Variants in PRKG1 observed in about 807,000 individuals in gnomAD.
PRKG1 encodes protein kinase cGMP-dependent 1, also known as cGMP-dependent protein kinase 1.
In PRKG1, 35 loss-of-function variants were observed where a neutral mutation model predicts 88.1. The ratio of observed to expected loss-of-function variants is 0.40; its 90% confidence interval spans 0.30 to 0.53. The LOEUF (loss-of-function observed/expected upper bound fraction) is 0.53. PRKG1 is among the 20% of genes least tolerant of loss of function. The probability of loss-of-function intolerance (pLI) is 0.59; values close to 1 mark genes in which losing one functional copy is unlikely to be tolerated. For missense variants in PRKG1, 540 were observed against 839.8 expected (o/e 0.64, Z 4.41); for synonymous variants, 303 against 292.5 (o/e 1.04, Z -0.37).
chr10:52,255,427 T>C (rs1841284477), intron 10 of PRKG1, among the ~76,000 whole-genome samples: 1 of 152,176 alleles, frequency 6.6e-6, no homozygotes, highest in South Asian at 2.1e-4. Flanking sequence ...GTGCTTTAAA[T>C]ATTAGATATT....
chr10:51,151,009 G>C (rs1846058257), intron 1 of PRKG1, among the ~76,000 whole-genome samples: 1 of 151,540 alleles, frequency 6.6e-6, no homozygotes, highest in Admixed American at 6.6e-5. Flanking sequence ...TCTTTATAGG[G>C]TACTATTAAT....
chr10:51,207,695 T>C (rs529129640), intron 2 of PRKG1, among the ~76,000 whole-genome samples: 4 of 152,258 alleles, frequency 2.6e-5, no homozygotes, highest in African/African-American at 9.6e-5. Context: ...TAGATTTACT[T>C]TCCTGGCAGA....
chr10:51,796,696 A>G lies in PRKG1; in HGVS notation c.593-7889A>G, dbSNP rs111424420. Among the ~76,000 whole-genome samples the G allele has an allele frequency of 2.4e-3, 372 of 152,236 alleles. 3 individuals carry two copies. The highest frequency in any genetic ancestry group is 8.7e-3 in the African/African-American group (360 of 41,570). On this transcript the variant is annotated intron_variant, in intron 3 of 17. Transcript: ENST00000373980. ...TAAAACATAATTTCTGGGTGTATCT[A>G]TCAGAGTGTTTCAGACAAGATCAGC... is the stretch of plus-strand genomic sequence containing the variant.
intron 2 of PRKG1, among the ~76,000 whole-genome samples, chr10:51,167,729 G>A (rs1382395026): frequency 6.6e-6 from 1 of 152,118 alleles, no homozygotes; most frequent in Non-Finnish European, 1.5e-5. Context: ...GATAAATTAG[G>A]AATGACTTGT....
chr10:51,436,916 G>T (rs969275500), intron 2 of PRKG1, among the ~76,000 whole-genome samples: 4 of 151,998 alleles, frequency 2.6e-5, no homozygotes, highest in African/African-American at 9.7e-5. Flanking sequence ...TAATTGACTT[G>T]CCAGAGGTTG....
Position 51,653,941 on chromosome 10 carries a change from A to G in PRKG1, c.593-150644A>G, listed in dbSNP as rs755497355. Among the ~76,000 whole-genome samples the G allele has an allele frequency of 4.3e-4, 65 of 152,268 alleles. 1 individual carries two copies. Among genetic ancestry groups the G allele is most frequent in the Admixed American group, 2.1e-3 (32 of 15,284 alleles). On this transcript the variant is annotated intron_variant, in intron 3 of 17. Coordinates refer to ENST00000373980, the MANE Select transcript of PRKG1 (RefSeq NM_006258.4). ...AGTTCCCTATATATTTTGAATATGA[A>G]TATTTTATCAGATGTATAGTTTGCA...
chr10:51,467,141 A>C (rs972756839), intron 2 of PRKG1, among the ~76,000 whole-genome samples: 3 of 152,066 alleles, frequency 2.0e-5, no homozygotes, highest in African/African-American at 7.2e-5. Flanking sequence ...ATAAACTGTC[A>C]TAACACAGCT....
intron 2 of PRKG1, among the ~76,000 whole-genome samples, chr10:51,365,137 T>C (rs1444717207): frequency 6.6e-6 from 1 of 151,926 alleles, no homozygotes. Flanking sequence ...GTCATAAAAT[T>C]GATCTAATAT....
intron 5 of PRKG1, among the ~76,000 whole-genome samples, chr10:52,045,308 T>G (rs1334885074): frequency 1.3e-5 from 2 of 151,900 alleles, no homozygotes; most frequent in Non-Finnish European, 2.9e-5. Flanking sequence ...CTTTAAATAC[T>G]AATGGGTACC....
intron 12 of PRKG1, among the ~76,000 whole-genome samples, chr10:52,278,526 A>G (rs961114811): frequency 5.9e-5 from 9 of 152,176 alleles, no homozygotes. Flanking sequence ...TTATTGCAGC[A>G]CTATTCACAA....
intron 9 of PRKG1, among the ~76,000 whole-genome samples, chr10:52,247,636 T>A (rs1420662869): frequency 6.6e-6 from 1 of 152,094 alleles, no homozygotes; most frequent in East Asian, 1.9e-4. Flanking sequence ...CAAGAAACAG[T>A]TAAATATCCG....
At chr10:51,520,675 G>A (rs1470511930) in intron 3 of PRKG1, among the ~76,000 whole-genome samples, 1 of 152,018 alleles carries the variant, frequency 6.6e-6, no homozygotes, top group Non-Finnish European at 1.5e-5. Flanking sequence ...AAGAAAGTTG[G>A]AAATAAATTA....
At chr10:52,178,137 C>G (rs1027262955) in intron 9 of PRKG1, among the ~76,000 whole-genome samples, 2 of 151,754 alleles carry the variant, frequency 1.3e-5, no homozygotes, top group Non-Finnish European at 2.9e-5. Flanking sequence ...CATTTCTTGC[C>G]ATCAACTTGC....
intron 5 of PRKG1, among the ~76,000 whole-genome samples, chr10:51,922,357 G>A (rs1465420532): frequency 6.6e-6 from 1 of 151,216 alleles, no homozygotes; most frequent in African/African-American, 2.4e-5. Flanking sequence ...TTTTGGTTTT[G>A]TAGATTTTCT....
At chr10:52,272,720 A>G (rs1841764213) in intron 12 of PRKG1, among the ~76,000 whole-genome samples, 1 of 152,116 alleles carries the variant, frequency 6.6e-6, no homozygotes, top group Non-Finnish European at 1.5e-5. Context: ...AATGGTACAT[A>G]GCAAAATATA....
chr10:52,051,120 T>C (rs981345236), intron 5 of PRKG1, among the ~76,000 whole-genome samples: 1 of 152,176 alleles, frequency 6.6e-6, no homozygotes, highest in African/African-American at 2.4e-5. Flanking sequence ...TTACTTTCGC[T>C]CATTTTAATA....
chr10:51,466,481 A>G (rs941974067), intron 2 of PRKG1, among the ~76,000 whole-genome samples: 1 of 152,076 alleles, frequency 6.6e-6, no homozygotes. Context: ...CTTCATTGAT[A>G]CCATTTATGT....
rs2132804663 is a variant in PRKG1, at chr10:51,074,806, G to A, written c.216G>A (p.Pro72=). The A allele has an allele frequency of 6.2e-7, 1 of 1,613,776 alleles. No individual in the cohort carries two copies. Among genetic ancestry groups the A allele is most frequent in the Admixed American group, 1.7e-5 (1 of 59,982 alleles). ...KQSASTLQGE[P]RTKRQAISAE... The stretch of plus-strand genomic sequence containing the variant: ...GCGCGAGCACCTTGCAGGGCGAGCC[G>A]CGCACCAAGCGGCAGGCGATCTCCG... The change falls in exon 1 of 18, where the codon CCG becomes CCA. Residue 72 remains proline (P), a synonymous_variant. Transcript: ENST00000373980.
intron 1 of PRKG1, among the ~76,000 whole-genome samples, chr10:51,125,734 G>T: frequency 6.9e-6 from 1 of 144,316 alleles, no homozygotes. Flanking sequence ...TATAAATTAT[G>T]TGTTTTTAAA....
Sources: allele counts gnomAD v4.1 joint callset (sites outside exome capture counted in the v4.1 genomes callset), GRCh38; gene constraint gnomAD v4.1.1; transcripts MANE v1.5; gene names NCBI Gene and HGNC (gene_info 2026-07-23, HGNC 2026-07-21).